Variants in PLXNC1 observed in about 807,000 individuals in gnomAD.
The protein encoded by PLXNC1 is plexin-C1.
Under a neutral mutation model 178.2 loss-of-function variants are expected in PLXNC1, and 75 were observed. The ratio of observed to expected loss-of-function variants is 0.42; its 90% CI spans 0.35 to 0.51. PLXNC1 has a LOEUF of 0.51. PLXNC1 is among the 20% of genes least tolerant of loss of function. The pLI, the probability that PLXNC1 is intolerant of heterozygous loss-of-function variation, is 0.02. For missense variants in PLXNC1, 1,503 were observed against 1,984.4 expected, an observed-to-expected ratio of 0.76 and a Z score of 4.61; for synonymous variants, 790 against 779.9, an observed-to-expected ratio of 1.01 and a Z score of -0.22.
At chr12:94,247,357 C>T (rs1248786873) in intron 12 of PLXNC1, among the ~76,000 whole-genome samples, 1 of 152,074 alleles carries the variant, frequency 6.6e-6, no homozygotes, top group East Asian at 1.9e-4. Flanking sequence ...GCCTGAAAAC[C>T]CTTGTCCTCC....
intron 10 of PLXNC1, among the ~76,000 whole-genome samples, chr12:94,238,012 C>G (rs1964287200): frequency 6.6e-6 from 1 of 152,154 alleles, no homozygotes; most frequent in African/African-American, 2.4e-5. Flanking sequence ...AGAATCTGTT[C>G]TGTGTTATTC....
chr12:94,149,328 C>T lies in PLXNC1; in HGVS notation c.357C>T (p.Leu119=). Residue 119 remains leucine, a synonymous_variant, in exon 1 of 31, where the codon CTC becomes CTT. Transcript: ENST00000258526. ...CCTACCGCGAGGGGGCGGCCGGCCTCGGGGGGCTGCTGCTCACCGGCTGGA... is the reference window on the plus strand; with the variant it reads ...CCTACCGCGAGGGGGCGGCCGGCCTTGGGGGGCTGCTGCTCACCGGCTGGA... ...LLPYREGAAG[L]GGLLLTGWTF... 6.9e-7 allele frequency: 1 copy of T among 1,441,838 alleles called. No individual in the cohort carries two copies. Among genetic ancestry groups the T allele is most frequent in the Non-Finnish European group, 9.0e-7 (1 of 1,107,006 alleles). The allele number at this position is 1,441,838 out of a possible 1,614,324, so 89.3% of individuals were successfully genotyped here.
chr12:94,294,980 A>G (rs1433745349), intron 24 of PLXNC1, among the ~76,000 whole-genome samples: 1 of 151,878 alleles, frequency 6.6e-6, no homozygotes, highest in Non-Finnish European at 1.5e-5. Flanking sequence ...CACTTGCAAA[A>G]TTCCCAGAAA....
rs1467559840 is a variant in PLXNC1, at chr12:94,149,781, C to A, written c.810C>A (p.Ser270Arg). 15 of 1,608,030 alleles carry A rather than the reference C, an allele frequency of 9.3e-6. No individual in the cohort carries two copies. Among genetic ancestry groups the A allele is most frequent in the Non-Finnish European group, 1.3e-5 (15 of 1,178,922 alleles). ...CCAGCATGGCGCGCATCGCGCAGAGCACCGAGGTGCTGTTCCAGGGCCAGG... is the reference window on the plus strand; with the variant it reads ...CCAGCATGGCGCGCATCGCGCAGAGAACCGAGGTGCTGTTCCAGGGCCAGG... ...GWPSMARIAQSTEVLFQGQAS... is the reference protein window; with the variant it reads ...GWPSMARIAQRTEVLFQGQAS... Residue 270 changes from serine to arginine, a missense_variant, in exon 1 of 31, where the codon AGC becomes AGA. Physicochemically the swap from Ser to Arg is moderately radical, Grantham distance 110 (BLOSUM62 -1). Around this residue, in one of 4 missense-constraint regions of PLXNC1, gnomAD observed 615 missense variants for 698.6 expected, o/e 0.88. Transcript: ENST00000258526.
chr12:94,187,193 A>AG (rs553859871), intron 4 of PLXNC1, among the ~76,000 whole-genome samples: 11,573 of 27,336 alleles, frequency 0.42, 1,464 homozygotes, highest in African/African-American at 0.51. Context: ...AGAGAGAGAG[A>AG]AAAAAAAACC....
chr12:94,259,541 G>T, intron 18 of PLXNC1, 69 bp from the exon 19 acceptor site: 1 of 1,254,184 alleles, frequency 8.0e-7, no homozygotes. Context: ...ACCCATTGTG[G>T]GTCTACTTTC....
intron 30 of PLXNC1, 104 bp downstream of exon 30, chr12:94,304,155 G>C: frequency 6.8e-6 from 5 of 737,914 alleles, no homozygotes; most frequent in Non-Finnish European, 1.1e-5. Context: ...CAAAAGGCCA[G>C]AAAGGGAAGC....
chr12:94,238,886 C>A (rs1232451155), intron 10 of PLXNC1, among the ~76,000 whole-genome samples: 2 of 152,146 alleles, frequency 1.3e-5, no homozygotes, highest in African/African-American at 4.8e-5. Flanking sequence ...TTATCAAGCA[C>A]ACATTAGAGG....
At position 94,306,875 on chromosome 12, in the gene PLXNC1, G is replaced by A. The variant is rs1457212337; in HGVS notation, c.*1590G>A. The A allele has an allele frequency of 2.6e-5, 4 of 152,054 alleles. No individual in the cohort carries two copies. The highest frequency in any genetic ancestry group is 2.1e-4 in the South Asian group (1 of 4,816). 9.4% of individuals were successfully genotyped at this position (152,054 alleles called of 1,614,324 possible). A position where few individuals can be genotyped will look rare whatever the true frequency, so the allele number is the denominator to read the frequency against. ...TGCTTTTGACCATTGTCTGTCCAAC[G>A]GACACACCTCAAACAAACAAAACTA... On this transcript the variant is annotated 3_prime_UTR_variant, in exon 31 of 31. Coordinates refer to ENST00000258526, the MANE Select transcript of PLXNC1 (RefSeq NM_005761.3).
In PLXNC1 at chr12:94,224,297, A is replaced by T; in HGVS notation, c.1772A>T (p.Asn591Ile). 6.5e-7 allele frequency: 1 copy of T among 1,535,446 alleles called. No homozygotes were observed. Among genetic ancestry groups the T allele is most frequent in the Non-Finnish European group, 9.0e-7 (1 of 1,108,338 alleles). Residue 591 changes from asparagine to isoleucine, a missense_variant, in exon 7 of 31, where the codon AAC becomes ATC. Asn to Ile is a moderately radical substitution (Grantham distance 149, BLOSUM62 -3). Around this residue, in one of 4 missense-constraint regions of PLXNC1, gnomAD observed 615 missense variants for 698.6 expected, o/e 0.88. Transcript: ENST00000258526. ...TTATCAGACAGATTCAACTTTACCA[A>T]CTGCTCATCATTAAAAGAGTAAGAT... The part of the protein sequence containing the change: ...WNLSDRFNFT[N>I]CSSLKECPAC...
chr12:94,285,252 C>T (rs910702886), intron 23 of PLXNC1, among the ~76,000 whole-genome samples: 5 of 152,216 alleles, frequency 3.3e-5, no homozygotes, highest in African/African-American at 9.6e-5. Context: ...GACAGGTCTG[C>T]ACCAGGAAGG....
intron 9 of PLXNC1, among the ~76,000 whole-genome samples, chr12:94,229,382 G>A (rs897629633): frequency 6.6e-6 from 1 of 152,106 alleles, no homozygotes. Flanking sequence ...ACTGTGTCCT[G>A]TAATACACAG....
In PLXNC1 at chr12:94,163,692, G is replaced by GT. The variant is rs1355565036; in HGVS notation, c.1063-5457dup. ...CACGGCTGTGCTGCACACCAGTGAT[G>GT]TTTTCTGGTCTAGAGGCTGCCCAGC... On this transcript the variant is annotated intron_variant, in intron 1 of 30. Transcript: ENST00000258526. Among the ~76,000 whole-genome samples, 23 of 152,222 alleles carry GT rather than the reference G, an allele frequency of 1.5e-4. No homozygotes were observed. In the East Asian group the frequency reaches 3.3e-3, roughly 22 times the overall value.
chr12:94,155,630 A>C (rs569801952), intron 1 of PLXNC1, among the ~76,000 whole-genome samples: 1 of 152,190 alleles, frequency 6.6e-6, no homozygotes, highest in Non-Finnish European at 1.5e-5. Flanking sequence ...CCCTTTAAAG[A>C]CTTGCCATTT....
chr12:94,250,193 GAGGTT>G (rs1203270863), intron 14 of PLXNC1, among the ~76,000 whole-genome samples: 2 of 152,192 alleles, frequency 1.3e-5, no homozygotes, highest in Non-Finnish European at 2.9e-5. Context: ...AGAGGCTTCT[GAGGTT>G]AGAGAGTTCA....
intron 5 of PLXNC1, among the ~76,000 whole-genome samples, chr12:94,213,627 C>G (rs1437858833): frequency 6.6e-6 from 1 of 152,130 alleles, no homozygotes; most frequent in African/African-American, 2.4e-5. Flanking sequence ...ATGGTAGTTT[C>G]TTTTGCCGTG....
At chr12:94,239,425 A>G (rs186520626) in intron 10 of PLXNC1, among the ~76,000 whole-genome samples, 15 of 152,366 alleles carry the variant, frequency 9.8e-5, no homozygotes, top group African/African-American at 3.6e-4. Context: ...TCTGAATATA[A>G]ACCTGAAAAT....
At chr12:94,189,977 C>T (rs574341159) in intron 4 of PLXNC1, among the ~76,000 whole-genome samples, 7 of 151,936 alleles carry the variant, frequency 4.6e-5, no homozygotes, top group South Asian at 2.1e-4. Flanking sequence ...TGAGGAGGGA[C>T]CTGGGGTGGT....
intron 23 of PLXNC1, 75 bp downstream of exon 23, chr12:94,282,476 C>A: frequency 1.1e-6 from 1 of 942,540 alleles, no homozygotes; most frequent in Non-Finnish European, 1.7e-6. Context: ...TTTAAAACAT[C>A]CAGGACTCCC....
Sources: allele counts gnomAD v4.1 joint callset (sites outside exome capture counted in the v4.1 genomes callset), GRCh38; gene constraint gnomAD v4.1.1; regional missense constraint gnomAD v4.1.1; transcripts MANE v1.5; gene names NCBI Gene and HGNC (gene_info 2026-07-23, HGNC 2026-07-21).